The following POLN variants were observed in gnomAD, a reference collection of about 807,000 sequenced individuals.
POLN encodes the protein DNA polymerase N.
A neutral mutation model predicts 113.5 loss-of-function variants in POLN; 108 were observed. The ratio of observed to expected loss-of-function variants is 0.95; its 90% CI spans 0.81 to 1.12. POLN has a LOEUF of 1.12. POLN is among the 50% of genes most tolerant of loss of function. The pLI is 0.00. For synonymous variants in POLN, 386 were observed against 391.5 expected (o/e 0.99, Z 0.17); for missense variants, 1,097 against 1,077.1 (o/e 1.02, Z -0.26).
At chr4:2,079,673 C>T in intron 23 of POLN, 1 of 927,952 alleles carries the variant, frequency 1.1e-6, no homozygotes, top group Non-Finnish European at 1.3e-6. Context: ...CAACCTCCAC[C>T]TCCTGGGTTC....
intron 16 of POLN, among the ~76,000 whole-genome samples, chr4:2,140,247 T>C (rs1483508036): frequency 1.3e-5 from 2 of 152,042 alleles, no homozygotes; most frequent in African/African-American, 4.8e-5. Context: ...CTGGCTAATT[T>C]TTCTCTTTTT....
chr4:2,170,505 C>A (rs1182354184), intron 13 of POLN, among the ~76,000 whole-genome samples, 174 bp downstream of exon 13: 2 of 152,194 alleles, frequency 1.3e-5, no homozygotes, highest in Non-Finnish European at 2.9e-5. Flanking sequence ...CTGCCTCTCT[C>A]CCTTGGTCCA....
intron 20 of POLN, among the ~76,000 whole-genome samples, chr4:2,091,214 G>A (rs1730654633): frequency 2.0e-5 from 3 of 152,186 alleles, no homozygotes; most frequent in Admixed American, 6.5e-5. Context: ...CAATGGGAGC[G>A]ACTTGGCCAT....
intron 6 of POLN, 47 bp from the exon 7 acceptor site, chr4:2,193,363 T>C (rs776936565): frequency 7.4e-7 from 1 of 1,351,728 alleles, no homozygotes; most frequent in Non-Finnish European, 1.0e-6. Context: ...AATTTGGGAT[T>C]TTCGACCTTG....
chr4:2,099,913 C>CA (rs1730882181), intron 19 of POLN, among the ~76,000 whole-genome samples: 2 of 151,584 alleles, frequency 1.3e-5, no homozygotes, highest in African/African-American at 4.8e-5. Context: ...ACTAAAAATA[C>CA]AAAAAAATTA....
At chr4:2,188,523 C>A (rs1277573227) in intron 7 of POLN, among the ~76,000 whole-genome samples, 3 of 151,936 alleles carry the variant, frequency 2.0e-5, no homozygotes, top group Non-Finnish European at 2.9e-5. Flanking sequence ...ATGGCGTGAA[C>A]CTGGGAGGCG....
chr4:2,123,642 A>AAG (rs1187562571), intron 19 of POLN, among the ~76,000 whole-genome samples: 4 of 150,814 alleles, frequency 2.7e-5, no homozygotes, highest in Non-Finnish European at 5.9e-5. Context: ...AAAAAAAAAA[A>AAG]AAAGAAAAAA....
chr4:2,165,056 T>C (rs1732696247), intron 13 of POLN, among the ~76,000 whole-genome samples: 1 of 152,126 alleles, frequency 6.6e-6, no homozygotes, highest in South Asian at 2.1e-4. Context: ...TATCATTTCA[T>C]CCAGCAATCA....
chr4:2,169,584 C>T (rs1732810826), intron 13 of POLN, among the ~76,000 whole-genome samples: 1 of 152,188 alleles, frequency 6.6e-6, no homozygotes, highest in Non-Finnish European at 1.5e-5. Flanking sequence ...CACACACACG[C>T]ACACACACTG....
intron 3 of POLN, among the ~76,000 whole-genome samples, chr4:2,225,222 A>C (rs1224190045): frequency 1.3e-5 from 2 of 152,180 alleles, no homozygotes; most frequent in African/African-American, 4.8e-5. Context: ...CAAGCAAAAA[A>C]AACCTTGAAC....
intron 19 of POLN, among the ~76,000 whole-genome samples, chr4:2,113,224 C>G (rs1457952144): frequency 1.9e-5 from 2 of 107,978 alleles, no homozygotes; most frequent in Non-Finnish European, 3.4e-5. Context: ...CATCACACAC[C>G]GGGGACTGTT....
intron 16 of POLN, among the ~76,000 whole-genome samples, chr4:2,156,127 T>A (rs1732417748): frequency 6.6e-6 from 1 of 152,166 alleles, no homozygotes; most frequent in Non-Finnish European, 1.5e-5. Flanking sequence ...CCACCGCGCC[T>A]GGCCTAAAAA....
intron 2 of POLN, chr4:2,240,722 C>A (rs754340926): frequency 1.9e-6 from 3 of 1,614,018 alleles, no homozygotes; most frequent in East Asian, 4.5e-5. Context: ...CATCCAATGC[C>A]GCCCCTTCTA....
chr4:2,091,806 C>CGCGT lies in POLN; in HGVS notation c.2065+4044_2065+4045insACGC, dbSNP rs1287327684. On this transcript the variant is annotated intron_variant, in intron 20 of 25. Coordinates refer to ENST00000511885, the MANE Select transcript of POLN (RefSeq NM_181808.4). ...GTGTGTGTGTGTGTGTGTGTGCGCG[C>CGCGT]GCTACAATTTGACGTTTAGCAGGGA... Among the ~76,000 whole-genome samples the CGCGT allele has an allele frequency of 1.0e-3, 152 of 146,526 alleles. 2 individuals carry two copies. The highest frequency in any genetic ancestry group is 3.9e-3 in the African/African-American group (148 of 38,242).
intron 5 of POLN, among the ~76,000 whole-genome samples, chr4:2,205,000 G>C (rs570767385): frequency 2.6e-5 from 4 of 152,302 alleles, no homozygotes; most frequent in African/African-American, 9.6e-5. Flanking sequence ...ATGGAGAAAA[G>C]TTGAAAGCAC....
intron 5 of POLN, among the ~76,000 whole-genome samples, chr4:2,206,837 T>C (rs775240329): frequency 1.2e-4 from 18 of 152,214 alleles, no homozygotes; most frequent in African/African-American, 2.4e-5. Context: ...GCAAACAGTG[T>C]GGAAATTCCT....
chr4:2,193,067 C>T, intron 7 of POLN, 137 bp downstream of exon 7: 1 of 618,332 alleles, frequency 1.6e-6, no homozygotes, highest in South Asian at 2.2e-5. Context: ...GCCTAGGGCC[C>T]ATCAGGAGGC....
rs1355407030 is a variant in POLN at position 2,080,890 on chromosome 4, C to A, written c.2387+68G>T. ...GATGGTGATCATCAGAATCACGAGC[C>A]CCGAGGGGGTCTTCCCACAGAATAC... On this transcript the variant is annotated intron_variant, in intron 23 of 25. Transcript: ENST00000511885. The A allele has an allele frequency of 2.5e-5, 41 of 1,610,408 alleles. No individual in the cohort carries two copies. In the East Asian group the frequency reaches 8.7e-4, roughly 34 times the overall value.
intron 16 of POLN, among the ~76,000 whole-genome samples, chr4:2,151,409 C>T (rs1013036593): frequency 1.3e-5 from 2 of 149,926 alleles, no homozygotes; most frequent in Non-Finnish European, 3.0e-5. Context: ...TTGGCAGTTG[C>T]TTAAAAAGTG....
Sources: gnomAD v4.1 joint callset for allele counts (sites outside exome capture counted in the v4.1 genomes callset) on GRCh38, gnomAD v4.1.1 for gene constraint, MANE v1.5 for transcripts, NCBI Gene and HGNC (gene_info 2026-07-23, HGNC 2026-07-21) for gene names.